Variants in AVL9 observed in about 807,000 individuals in gnomAD.
AVL9 encodes late secretory pathway protein AVL9 homolog.
AVL9 carries 49 observed loss-of-function variants against 79.2 expected under a neutral mutation model. That is an observed-to-expected ratio of 0.62 (90% confidence interval 0.49 to 0.79). AVL9 has a LOEUF of 0.79. Ranked by LOEUF, AVL9 falls within the 30% of genes least tolerant of loss-of-function variation. The pLI, the probability that AVL9 is intolerant of heterozygous loss-of-function variation, is 0.00. For synonymous variants in AVL9, 299 were observed against 280.6 expected (o/e 1.07, Z -0.65); for missense variants, 682 against 776.8 (o/e 0.88, Z 1.45).
intron 4 of AVL9, among the ~76,000 whole-genome samples, chr7:32,549,897 C>T (rs566733691): frequency 1.2e-4 from 14 of 119,110 alleles, no homozygotes; most frequent in Middle Eastern, 6.2e-3. Context: ...CCAGCCTGGG[C>T]GACAGAGGGA....
At chr7:32,504,928 C>T (rs905327083) in intron 1 of AVL9, among the ~76,000 whole-genome samples, 7 of 151,998 alleles carry the variant, frequency 4.6e-5, no homozygotes, top group East Asian at 2.0e-4. Flanking sequence ...GGCTGGAGTG[C>T]GGTGGCATGA....
chr7:32,496,053 G>GT (rs2128107740), intron 1 of AVL9, among the ~76,000 whole-genome samples: 1 of 152,310 alleles, frequency 6.6e-6, no homozygotes, highest in Non-Finnish European at 1.5e-5. Context: ...ATACGTGTAG[G>GT]TTGTAGGTTT....
At position 32,558,672 on chromosome 7, in the gene AVL9, A is replaced by G. The variant is rs775346241; in HGVS notation, c.679+44A>G. 2.7e-6 allele frequency: 4 copies of G among 1,457,420 alleles called. No homozygotes were observed. The South Asian group carries it at 5.0e-5, about 18-fold the overall frequency. 90.3% of individuals were successfully genotyped at this position (1,457,420 alleles called of 1,614,324 possible). ...CTACTCTTTCTTTTGTTTAACTTGT[A>G]CTGGAACCTAAACTTTTAGAAATAA... is the stretch of plus-strand genomic sequence containing the variant. On this transcript the variant is annotated intron_variant, in intron 9 of 15. Coordinates refer to ENST00000318709, the MANE Select transcript of AVL9 (RefSeq NM_015060.3).
chr7:32,561,649 C>CA (rs112597376), intron 10 of AVL9, among the ~76,000 whole-genome samples: 2,060 of 152,150 alleles, frequency 0.014, 20 homozygotes, highest in Non-Finnish European at 0.018. Context: ...AAAAACAAAA[C>CA]AAAACAAAAA....
intron 1 of AVL9, among the ~76,000 whole-genome samples, chr7:32,530,722 C>G (rs367783402): frequency 6.6e-6 from 1 of 152,306 alleles, no homozygotes; most frequent in East Asian, 1.9e-4. Context: ...CCAAGGCAGG[C>G]AGATCACTTG....
intron 8 of AVL9, among the ~76,000 whole-genome samples, chr7:32,558,075 C>T (rs1790159649): frequency 6.6e-6 from 1 of 150,504 alleles, no homozygotes; most frequent in African/African-American, 2.4e-5. Context: ...AGGCTGGTCT[C>T]GATCTCCTGA....
chr7:32,529,306 G>C (rs1339193164), intron 1 of AVL9, among the ~76,000 whole-genome samples: 1 of 152,174 alleles, frequency 6.6e-6, no homozygotes. Flanking sequence ...TTAAAACAGA[G>C]GGGACCCCCC....
At chr7:32,569,796 A>G (rs1442149201) in intron 10 of AVL9, among the ~76,000 whole-genome samples, 2 of 152,214 alleles carry the variant, frequency 1.3e-5, no homozygotes, top group African/African-American at 4.8e-5. Flanking sequence ...CCTTGCCAAG[A>G]TTTGACCATT....
At chr7:32,540,165 T>C (rs182444073) in intron 1 of AVL9, among the ~76,000 whole-genome samples, 2 of 152,240 alleles carry the variant, frequency 1.3e-5, no homozygotes, top group African/African-American at 2.4e-5. Context: ...AAAACTGATA[T>C]AAACCACTGA....
rs187016663 is a variant in AVL9 at position 32,580,289 on chromosome 7, A to G, written c.1742+17A>G. 97 of 1,589,438 alleles carry G rather than the reference A, an allele frequency of 6.1e-5. No homozygotes were observed. Among genetic ancestry groups the G allele is most frequent in the Non-Finnish European group, 8.1e-5 (94 of 1,162,488 alleles). ...GTTCTCACAGTAAGTACTTAGAGAA[A>G]ATACTGGGAAAATTCTTAAGTCTGA... On this transcript the variant is annotated intron_variant, in intron 14 of 15. Coordinates refer to ENST00000318709, the MANE Select transcript of AVL9 (RefSeq NM_015060.3).
chr7:32,498,237 A>ATTTTTTTTTTTTTTTTTTTTTTTTTTT (rs10547851), intron 1 of AVL9, among the ~76,000 whole-genome samples: 1 of 89,814 alleles, frequency 1.1e-5, no homozygotes, highest in African/African-American at 4.5e-5. Context: ...AAGTCCTCAG[A>ATTTTTTTTTTTTTTTTTTTTTTTTTTT]TTTTTTTTTT....
Position 32,570,164 on chromosome 7 carries a change from TGTGTGA to T in AVL9, c.1350+16_1350+21del, listed in dbSNP as rs2128148276. The T allele has an allele frequency of 1.2e-6, 2 of 1,614,080 alleles. No homozygotes were observed. The highest frequency in any genetic ancestry group is 2.2e-5 in the South Asian group (2 of 91,088). ...TGATGCCATTGTGGAAGTACGTTTA[TGTGTGA>T]GTGTGTGTATTTGGCCCTGCTCATC... On this transcript the variant is annotated intron_variant, in intron 11 of 15. Transcript: ENST00000318709.
At chr7:32,503,355 T>TAC (rs1562749476) in intron 1 of AVL9, among the ~76,000 whole-genome samples, 3 of 26,602 alleles carry the variant, frequency 1.1e-4, no homozygotes, top group Non-Finnish European at 2.8e-4. Context: ...GATATAGATA[T>TAC]AGAGAGATAT....
At chr7:32,504,928 C>A (rs905327083) in intron 1 of AVL9, among the ~76,000 whole-genome samples, 6 of 151,998 alleles carry the variant, frequency 3.9e-5, no homozygotes, top group Non-Finnish European at 5.9e-5. Context: ...GGCTGGAGTG[C>A]GGTGGCATGA....
chr7:32,503,367 T>TACACACAC (rs1278670017), intron 1 of AVL9, among the ~76,000 whole-genome samples: 2,166 of 88,180 alleles, frequency 0.025, 68 homozygotes, highest in Non-Finnish European at 0.029. Flanking sequence ...GAGAGATATA[T>TACACACAC]ATATATACAC....
chr7:32,537,380 GTT>G (rs2128131517), intron 1 of AVL9: 1 of 147,586 alleles, frequency 6.8e-6, no homozygotes, highest in African/African-American at 2.5e-5. Context: ...GTAGTATAAT[GTT>G]TTAAAAAACT....
intron 1 of AVL9, among the ~76,000 whole-genome samples, 163 bp downstream of exon 1, chr7:32,495,965 C>T (rs1471373342): frequency 1.3e-5 from 2 of 152,234 alleles, no homozygotes; most frequent in Non-Finnish European, 2.9e-5. Flanking sequence ...TCCTCCCACC[C>T]GCCCCACATG....
chr7:32,522,569 T>C (rs1788208893), intron 1 of AVL9, among the ~76,000 whole-genome samples: 2 of 152,210 alleles, frequency 1.3e-5, no homozygotes, highest in Admixed American at 6.5e-5. Flanking sequence ...CTTTTGATTT[T>C]ACAGGCCCAT....
chr7:32,503,202 C>T (rs1011716891), intron 1 of AVL9, among the ~76,000 whole-genome samples: 9 of 151,310 alleles, frequency 5.9e-5, no homozygotes, highest in African/African-American at 1.5e-4. Context: ...GGGCCAGGTG[C>T]GGTGGCTCAC....
Sources: allele counts gnomAD v4.1 joint callset (sites outside exome capture counted in the v4.1 genomes callset), GRCh38; gene constraint gnomAD v4.1.1; transcripts MANE v1.5; gene names NCBI Gene and HGNC (gene_info 2026-07-23, HGNC 2026-07-21).